Variants in USP43 observed in about 807,000 individuals in gnomAD.
USP43 encodes ubiquitin carboxyl-terminal hydrolase 43.
Under a neutral mutation model 90.7 loss-of-function variants are expected in USP43, and 33 were observed. The ratio of observed to expected loss-of-function variants is 0.36; its 90% CI spans 0.28 to 0.49. USP43 has a LOEUF of 0.49. Ranked by LOEUF, USP43 falls within the 20% of genes least tolerant of loss-of-function variation. The pLI, the probability that USP43 is intolerant of heterozygous loss-of-function variation, is 0.98. For synonymous variants in USP43, 598 were observed against 615.8 expected (o/e 0.97, Z 0.43); for missense variants, 1,274 against 1,476.4 (o/e 0.86, Z 2.25).
intron 14 of USP43, among the ~76,000 whole-genome samples, chr17:9,725,877 C>T (rs1300306137): frequency 6.6e-6 from 1 of 152,172 alleles, no homozygotes; most frequent in Non-Finnish European, 1.5e-5. Flanking sequence ...TTCTGCCCTT[C>T]CCAGGGCTGT....
intron 6 of USP43, among the ~76,000 whole-genome samples, chr17:9,681,462 T>TCA (rs1555550104): frequency 3.8e-4 from 7 of 18,582 alleles, no homozygotes; most frequent in East Asian, 3.6e-3. Flanking sequence ...ATAAAATATA[T>TCA]TATATATATA....
intron 14 of USP43, among the ~76,000 whole-genome samples, chr17:9,719,945 C>T (rs1025029479): frequency 1.3e-5 from 2 of 151,944 alleles, no homozygotes; most frequent in Admixed American, 6.6e-5. Flanking sequence ...CACATGACTG[C>T]GATCCCAGCT....
chr17:9,655,616 G>A (rs73975780), intron 1 of USP43, among the ~76,000 whole-genome samples: 4 of 152,170 alleles, frequency 2.6e-5, no homozygotes, highest in African/African-American at 9.7e-5. Context: ...CAAACACCAC[G>A]AGGGCAGTGA....
rs939384079 is a variant in USP43, at chr17:9,701,748, C to T, written c.2011+48C>T. 21 of 1,451,290 alleles carry T rather than the reference C, an allele frequency of 1.4e-5. No homozygotes were observed. The highest frequency in any genetic ancestry group is 1.9e-5 in the Non-Finnish European group (21 of 1,085,338). 89.9% of individuals were successfully genotyped at this position (1,451,290 alleles called of 1,614,324 possible). On this transcript the variant is annotated intron_variant, in intron 12 of 14. Coordinates refer to ENST00000285199, the MANE Select transcript of USP43 (RefSeq NM_153210.5). This position sits in a 1 kb window ranked among gnomAD's most constrained non-coding sequence, Gnocchi z 7.2. ...GCAAATGCAGCTGTGGCCACAGCCT[C>T]GAGATGTCCCTGGAATGGGTGTTGC...
At chr17:9,715,831 GTGTA>G (rs1916516767) in intron 14 of USP43, among the ~76,000 whole-genome samples, 1 of 151,254 alleles carries the variant, frequency 6.6e-6, no homozygotes, top group African/African-American at 2.4e-5. Context: ...GTGTGTCTAT[GTGTA>G]TGTATCTGTG....
intron 1 of USP43, among the ~76,000 whole-genome samples, chr17:9,654,844 T>C (rs1912122675): frequency 6.6e-6 from 1 of 151,630 alleles, no homozygotes; most frequent in African/African-American, 2.4e-5. Flanking sequence ...TTCAAGCGAT[T>C]CTCCTGCCTC....
intron 8 of USP43, among the ~76,000 whole-genome samples, chr17:9,689,568 T>A (rs1454770281): frequency 6.6e-6 from 1 of 152,072 alleles, no homozygotes; most frequent in Non-Finnish European, 1.5e-5. Context: ...CCTGCCATCA[T>A]GCCTGGTTAA....
At chr17:9,678,238 C>T (rs574830917) in intron 5 of USP43, among the ~76,000 whole-genome samples, 15 of 152,204 alleles carry the variant, frequency 9.9e-5, no homozygotes, top group South Asian at 2.1e-4. Context: ...CAGTGTGGGA[C>T]GGGCATTTCC....
At chr17:9,716,219 G>C (rs1916562739) in intron 14 of USP43, among the ~76,000 whole-genome samples, 1 of 151,924 alleles carries the variant, frequency 6.6e-6, no homozygotes, top group African/African-American at 2.4e-5. Flanking sequence ...TCCTAACTTA[G>C]TTTTTTAAAT....
rs1357508468 is a variant in USP43 at position 9,680,240 on chromosome 17, G to A, written c.979G>A (p.Val327Ile). Residue 327 changes from valine (V) to isoleucine (I), a missense_variant, in exon 6 of 15, where the codon GTT becomes ATT. By Grantham distance (29) the Val-to-Ile change is conservative. Coordinates refer to ENST00000285199, the MANE Select transcript of USP43 (RefSeq NM_153210.5). ...ATCTTTCTCATTTCAGGTGATCTTG[G>A]TTGAACTGTATCCCAGTGGATTCCA... ...GGVPADEVIL[V>I]ELYPSGFQRS... The A allele has an allele frequency of 6.2e-7, 1 of 1,613,420 alleles. No homozygotes were observed. The highest frequency in any genetic ancestry group is 8.5e-7 in the Non-Finnish European group (1 of 1,179,626).
rs2071741093 is a variant in USP43, at chr17:9,729,578, A to G, written c.*588A>G. 6.6e-6 allele frequency: 1 copy of G among 152,072 alleles called. No individual in the cohort carries two copies. 9.4% of individuals were successfully genotyped at this position (152,072 alleles called of 1,614,324 possible). A position where few individuals can be genotyped will look rare whatever the true frequency, so the allele number is the denominator to read the frequency against. On this transcript the variant is annotated 3_prime_UTR_variant, in exon 15 of 15. Coordinates refer to ENST00000285199, the MANE Select transcript of USP43 (RefSeq NM_153210.5). ...TTTAATATATTAAAAATTGTATTAA[A>G]GTTTTTCAAGGTATTTTAAAAATAA...
At position 9,645,930 on chromosome 17, in the gene USP43, G is replaced by T. The variant is rs1418556683; in HGVS notation, c.298G>T (p.Ala100Ser). 2.0e-6 allele frequency: 3 copies of T among 1,476,564 alleles called. No individual in the cohort carries two copies. The highest frequency in any genetic ancestry group is 5.3e-5 in the Admixed American group (2 of 37,744). The allele number at this position is 1,476,564 out of a possible 1,614,324, so 91.5% of individuals were successfully genotyped here. The change falls in exon 1 of 15, where the codon GCT becomes TCT. Residue 100 changes from alanine (A) to serine (S), a missense_variant. Physicochemically the swap from Ala to Ser is moderately conservative, Grantham distance 99. Transcript: ENST00000285199. The surrounding 1 kb of genome is among the most constrained non-coding windows in gnomAD (Gnocchi z 6.8). ...CGGCGATGGGGCGCGGCCGCCGGGCGCTCAGGGCTTGAAGAACCACGGCAA... is the reference window on the plus strand; with the variant it reads ...CGGCGATGGGGCGCGGCCGCCGGGCTCTCAGGGCTTGAAGAACCACGGCAA... ...PAGDGARPPG[A>S]QGLKNHGNTC...
At chr17:9,692,649 C>T (rs1195736203) in intron 8 of USP43, among the ~76,000 whole-genome samples, 1 of 152,154 alleles carries the variant, frequency 6.6e-6, no homozygotes, top group Non-Finnish European at 1.5e-5. Context: ...AGAATAATAA[C>T]TAAGGTGCTA....
chr17:9,653,263 G>T lies in USP43; in HGVS notation c.505-3140G>T, dbSNP rs373025315. ...AAAGATCATCATGATTAACTGGAGA[G>T]GAATGGATTTCACATGGAAGGAAGA... On this transcript the variant is annotated intron_variant, in intron 1 of 14. Transcript: ENST00000285199. Among the ~76,000 whole-genome samples the T allele has an allele frequency of 1.0e-3, 153 of 152,310 alleles. 1 individual carries two copies. The South Asian group carries it at 0.029, about 29-fold the overall frequency.
rs1031155609 is a variant in USP43 at position 9,658,475 on chromosome 17, G to A, written c.636+1941G>A. On this transcript the variant is annotated intron_variant, in intron 2 of 14. Transcript: ENST00000285199. ...GGACAGAGTCAGGATTCAAGCCCAG[G>A]GGGGTCTGGTTTGAAAACCTATTTT... Among the ~76,000 whole-genome samples, 3 of 152,214 alleles carry A rather than the reference G, an allele frequency of 2.0e-5. No individual in the cohort carries two copies. The East Asian group carries it at 5.8e-4, about 29-fold the overall frequency.
chr17:9,666,440 C>A (rs185029396), intron 2 of USP43, among the ~76,000 whole-genome samples: 1 of 152,198 alleles, frequency 6.6e-6, no homozygotes, highest in East Asian at 1.9e-4. Flanking sequence ...TTTTAATGCA[C>A]ACACACTTCT....
chr17:9,662,793 T>C (rs930290223), intron 2 of USP43, among the ~76,000 whole-genome samples: 5 of 151,810 alleles, frequency 3.3e-5, no homozygotes, highest in African/African-American at 1.2e-4. Flanking sequence ...ACCAGACATG[T>C]TTCTAAGTGT....
intron 8 of USP43, among the ~76,000 whole-genome samples, chr17:9,692,659 A>G (rs531905776): frequency 1.3e-5 from 2 of 152,344 alleles, no homozygotes; most frequent in South Asian, 4.1e-4. Context: ...CTAAGGTGCT[A>G]TCTCTTTATG....
At chr17:9,652,212 C>CAAAAAAAAAAAA (rs769295315) in intron 1 of USP43, among the ~76,000 whole-genome samples, 7 of 42,690 alleles carry the variant, frequency 1.6e-4, no homozygotes, top group African/African-American at 5.5e-4. Flanking sequence ...GCCCTTAGCG[C>CAAAAAAAAAAAA]AAAAAAAAAA....
Sources: gnomAD v4.1 joint callset for allele counts (sites outside exome capture counted in the v4.1 genomes callset) on GRCh38, gnomAD v4.1.1 for gene constraint, Gnocchi (gnomAD v3.1) non-coding constraint, MANE v1.5 for transcripts, NCBI Gene and HGNC (gene_info 2026-07-23, HGNC 2026-07-21) for gene names.